BTNL3: variants seen among roughly 807,000 people sequenced by gnomAD.
BTNL3 encodes butyrophilin like 3, also known as butyrophilin-like protein 3.
BTNL3 carries 20 observed loss-of-function variants against 40.1 expected under a neutral mutation model. The ratio of observed to expected loss-of-function variants is 0.50; its 90% CI spans 0.35 to 0.72. The LOEUF (loss-of-function observed/expected upper bound fraction) is 0.72, where lower values mean the gene tolerates loss of function less well. BTNL3 is among the 30% of genes least tolerant of loss of function. BTNL3 has a pLI of 0.01. For missense variants in BTNL3, 449 were observed against 582.2 expected, an observed-to-expected ratio of 0.77 and a Z score of 2.35; for synonymous variants, 179 against 222.1, an observed-to-expected ratio of 0.81 and a Z score of 1.73.
At chr5:181,001,960 A>G (rs914564894) in intron 3 of BTNL3, among the ~76,000 whole-genome samples, 1 of 135,274 alleles carries the variant, frequency 7.4e-6, no homozygotes, top group Admixed American at 7.9e-5. Context: ...TGCTGGGTTT[A>G]TAGGCATGAG....
rs1012179925 is a variant in BTNL3 at position 180,989,170 on chromosome 5, G to T, written c.49+93G>T. On this transcript the variant is annotated intron_variant, in intron 1 of 7. Coordinates refer to ENST00000342868, the MANE Select transcript of BTNL3 (RefSeq NM_197975.3). ...ATGATCTCAGCACAGTGAGATGCAGGAATCTTTGGTGCTTGCATTCTCCAG... is the reference window on the plus strand; with the variant it reads ...ATGATCTCAGCACAGTGAGATGCAGTAATCTTTGGTGCTTGCATTCTCCAG... The T allele has an allele frequency of 3.9e-6, 5 of 1,285,898 alleles. No homozygotes were observed. In the African/African-American group the frequency reaches 7.5e-5, roughly 19 times the overall value. The allele number at this position is 1,285,898 out of a possible 1,614,324, so 79.7% of individuals were successfully genotyped here.
chr5:180,994,783 T>A lies in BTNL3; in HGVS notation c.397+1623T>A, dbSNP rs570238744. Reference sequence around the variant, plus strand: ...ATTGTTGTATCCTGGAGTTCAATAATTTTTTTTTTTTTTTTATGAGATGGA... The same window carrying A: ...ATTGTTGTATCCTGGAGTTCAATAAATTTTTTTTTTTTTTTATGAGATGGA... On this transcript the variant is annotated intron_variant, in intron 2 of 7. Coordinates refer to ENST00000342868, the MANE Select transcript of BTNL3 (RefSeq NM_197975.3). Among the ~76,000 whole-genome samples the A allele has an allele frequency of 7.1e-4, 85 of 120,424 alleles. 2 individuals are homozygous for A. Among genetic ancestry groups the A allele is most frequent in the African/African-American group, 2.1e-3 (73 of 34,564 alleles). The allele number at this position is 120,424 out of a possible 152,430, so 79.0% of individuals were successfully genotyped here.
At position 180,988,873 on chromosome 5, in the gene BTNL3, A is replaced by T; in HGVS notation, c.-156A>T. The T allele has an allele frequency of 1.1e-6, 1 of 878,072 alleles. No individual in the cohort carries two copies. The highest frequency in any genetic ancestry group is 1.7e-6 in the Non-Finnish European group (1 of 586,646). The allele number at this position is 878,072 out of a possible 1,614,324, so 54.4% of individuals were successfully genotyped here. On this transcript the variant is annotated 5_prime_UTR_variant, in exon 1 of 8. Transcript: ENST00000342868. The stretch of plus-strand genomic sequence containing the variant: ...ACTCCTCATTCATACAGCCATGTTT[A>T]GGGAGGCTCTAGGGAGAAATGCACA...
At position 180,989,774 on chromosome 5, in the gene BTNL3, C is replaced by T. The variant is rs1002929968; in HGVS notation, c.49+697C>T. On this transcript the variant is annotated intron_variant, in intron 1 of 7. Transcript: ENST00000342868. ...CAAAAAGTTCATTTGACTGTGTTCA[C>T]TTTCTGTCTGGAACAGTTCCATCCT... 6.6e-5 allele frequency among the ~76,000 whole-genome samples: 9 copies of T among 136,794 alleles called. 1 individual carries two copies. Among genetic ancestry groups the T allele is most frequent in the African/African-American group, 2.3e-4 (9 of 39,834 alleles). 89.7% of individuals were successfully genotyped at this position (136,794 alleles called of 152,430 possible).
In BTNL3 at chr5:180,997,322, T is replaced by C. The variant is rs1414583473; in HGVS notation, c.507T>C (p.Gly169=). The change falls in exon 3 of 8, where the codon GGT becomes GGC. Residue 169 remains glycine, a synonymous_variant. Coordinates refer to ENST00000342868, the MANE Select transcript of BTNL3 (RefSeq NM_197975.3). Reference sequence around the variant, plus strand: ...CCCAGCCCACAGCCAAGTGGAAAGGTCCACAAGGACAGGATTTGTCTTCAG... The same window carrying C: ...CCCAGCCCACAGCCAAGTGGAAAGGCCCACAAGGACAGGATTTGTCTTCAG... ...WFPQPTAKWK[G]PQGQDLSSDS... 29 of 1,464,276 alleles carry C rather than the reference T, an allele frequency of 2.0e-5. 6 individuals are homozygous for C. Among genetic ancestry groups the C allele is most frequent in the Admixed American group, 3.7e-5 (2 of 53,446 alleles). 90.7% of individuals were successfully genotyped at this position (1,464,276 alleles called of 1,614,324 possible).
intron 4 of BTNL3, among the ~76,000 whole-genome samples, chr5:181,003,505 A>G (rs150712368): frequency 1.5e-5 from 2 of 137,874 alleles, no homozygotes; most frequent in East Asian, 4.3e-4. Flanking sequence ...TGATAATCTC[A>G]GTAAGAGTCT....
In BTNL3 at chr5:180,998,460, A is replaced by G. The variant is rs1760062265; in HGVS notation, c.673+972A>G. ...ATGAGTAAGAATATATACTATTTGA[A>G]CTAAAAATTAATAAGTCTGAAATAA... On this transcript the variant is annotated intron_variant, in intron 3 of 7. Transcript: ENST00000342868. 4.4e-5 allele frequency among the ~76,000 whole-genome samples: 6 copies of G among 137,308 alleles called. 2 individuals carry two copies. In the East Asian group the frequency reaches 1.3e-3, roughly 29 times the overall value. The allele number at this position is 137,308 out of a possible 152,430, so 90.1% of individuals were successfully genotyped here.
At chr5:181,002,930 C>G in intron 4 of BTNL3, 145 bp downstream of exon 4, 3 of 1,009,348 alleles carry the variant, frequency 3.0e-6, no homozygotes, top group South Asian at 1.4e-5. Context: ...GGAACCCAGT[C>G]TTCAGCCTCC....
At chr5:180,995,914 A>G (rs893492434) in intron 2 of BTNL3, among the ~76,000 whole-genome samples, 4 of 135,326 alleles carry the variant, frequency 3.0e-5, no homozygotes, top group African/African-American at 1.0e-4. Context: ...CCGCATTTCT[A>G]GGGTTTATGA....
At position 180,997,603 on chromosome 5, in the gene BTNL3, T is replaced by C. The variant is rs1330510725; in HGVS notation, c.673+115T>C. On this transcript the variant is annotated intron_variant, in intron 3 of 7. Transcript: ENST00000342868. ...TACCATCCAGCTTCAATGATTTGTT[T>C]TGAGAGTCAAAGATTGATGAGGTAT... 22 of 1,347,302 alleles carry C rather than the reference T, an allele frequency of 1.6e-5. 6 individuals carry two copies. The Admixed American group carries it at 2.2e-4, about 13-fold the overall frequency. The allele number at this position is 1,347,302 out of a possible 1,614,324, so 83.5% of individuals were successfully genotyped here.
chr5:181,000,941 A>C (rs1582089034), intron 3 of BTNL3, among the ~76,000 whole-genome samples: 2 of 137,138 alleles, frequency 1.5e-5, no homozygotes, highest in African/African-American at 5.0e-5. Context: ...CACTTCAATA[A>C]GGGAAGAAAA....
Position 181,005,918 on chromosome 5 carries a change from C to T in BTNL3, c.*46C>T. 2.0e-6 allele frequency: 3 copies of T among 1,526,914 alleles called. No homozygotes were observed. The highest frequency in any genetic ancestry group is 1.3e-5 in the South Asian group (1 of 75,792). The allele number at this position is 1,526,914 out of a possible 1,614,324, so 94.6% of individuals were successfully genotyped here. Reference sequence around the variant, plus strand: ...AAGGGCCCCACACCACAGACCCAGACACAGCCAAGGGAGAGTGCTCCCGAC... The same window carrying T: ...AAGGGCCCCACACCACAGACCCAGATACAGCCAAGGGAGAGTGCTCCCGAC... On this transcript the variant is annotated 3_prime_UTR_variant, in exon 8 of 8. Transcript: ENST00000342868.
intron 1 of BTNL3, among the ~76,000 whole-genome samples, chr5:180,991,593 C>T (rs1759972080): frequency 7.3e-6 from 1 of 136,566 alleles, no homozygotes; most frequent in African/African-American, 2.5e-5. Context: ...AAGAAAGTAG[C>T]GCTCACCATT....
chr5:181,004,704 C>T (rs773226201), intron 6 of BTNL3, 32 bp from the exon 7 acceptor site: 25 of 1,614,050 alleles, frequency 1.5e-5, no homozygotes, highest in Admixed American at 6.7e-5. Context: ...CACGTGAGCA[C>T]GGAACTGCCT....
At chr5:180,998,561 T>G (rs1391061308) in intron 3 of BTNL3, among the ~76,000 whole-genome samples, 1 of 136,520 alleles carries the variant, frequency 7.3e-6, no homozygotes, top group African/African-American at 2.5e-5. Flanking sequence ...TTTATAAAAT[T>G]TTACCAGATA....
intron 3 of BTNL3, among the ~76,000 whole-genome samples, chr5:180,999,135 A>G (rs1760073430): frequency 7.3e-6 from 1 of 136,250 alleles, no homozygotes; most frequent in Admixed American, 7.8e-5. Flanking sequence ...TCAAAAATAT[A>G]TATATATATA....
intron 2 of BTNL3, among the ~76,000 whole-genome samples, chr5:180,995,533 T>C (rs549267355): frequency 2.2e-5 from 3 of 137,058 alleles, no homozygotes; most frequent in African/African-American, 7.5e-5. Context: ...CTACTTTGCT[T>C]AACTGATGTC....
chr5:180,991,405 A>C (rs1206155460), intron 1 of BTNL3, among the ~76,000 whole-genome samples: 1 of 137,174 alleles, frequency 7.3e-6, no homozygotes, highest in Admixed American at 7.7e-5. Flanking sequence ...AAATGGATAC[A>C]TGTGAATGAA....
At chr5:180,995,684 A>G (rs570428797) in intron 2 of BTNL3, among the ~76,000 whole-genome samples, 1 of 136,194 alleles carries the variant, frequency 7.3e-6, no homozygotes, top group East Asian at 2.2e-4. Context: ...TCTCCAGTCA[A>G]TGGGGCTTAT....
Sources: allele counts gnomAD v4.1 joint callset (sites outside exome capture counted in the v4.1 genomes callset), GRCh38; gene constraint gnomAD v4.1.1; transcripts MANE v1.5; gene names NCBI Gene and HGNC (gene_info 2026-07-23, HGNC 2026-07-21).